The following IGSF9 variants were observed in gnomAD, a reference collection of about 807,000 sequenced individuals.
IGSF9 encodes the protein protein turtle homolog A.
In IGSF9, 87 loss-of-function variants were observed where a neutral mutation model predicts 121.7. The ratio of observed to expected loss-of-function variants is 0.71; its 90% CI spans 0.60 to 0.85. The LOEUF is 0.85. IGSF9 is among the 40% of genes least tolerant of loss of function. The pLI is 0.00. For synonymous variants in IGSF9, 640 were observed against 648.4 expected, an observed-to-expected ratio of 0.99 and a Z score of 0.20; for missense variants, 1,462 against 1,565.3, an observed-to-expected ratio of 0.93 and a Z score of 1.11.
chr1:159,927,094 A>T lies in IGSF9; in HGVS notation c.*251T>A, dbSNP rs535347148. ...AAAAACTTCACACACACACACACAC[A>T]CACAGAGAGAGAGAGAGAGAGAGAG... On this transcript the variant is annotated 3_prime_UTR_variant, in exon 21 of 21. Transcript: ENST00000368094. 68 of 537,274 alleles carry T rather than the reference A, an allele frequency of 1.3e-4. No homozygotes were observed. The highest frequency in any genetic ancestry group is 1.2e-3 in the African/African-American group (57 of 48,814). 33.3% of individuals were successfully genotyped at this position (537,274 alleles called of 1,614,324 possible).
At chr1:159,933,150 A>G (rs1267367623) in intron 9 of IGSF9, 5 of 154,752 alleles carry the variant, frequency 3.2e-5, no homozygotes, top group African/African-American at 7.2e-5. Flanking sequence ...GAGCCCATTC[A>G]TCTTCATGTC....
At chr1:159,941,957 C>G (rs11589655) in intron 3 of IGSF9, among the ~76,000 whole-genome samples, 1 of 152,264 alleles carries the variant, frequency 6.6e-6, no homozygotes, top group African/African-American at 2.4e-5. Context: ...CCTCCCCTCT[C>G]TGCTCAGCCC....
rs201311818 is a variant in IGSF9, at chr1:159,934,522, C to G, written c.864G>C (p.Leu288=). 2 of 1,613,464 alleles carry G rather than the reference C, an allele frequency of 1.2e-6. No individual in the cohort carries two copies. The highest frequency in any genetic ancestry group is 1.1e-5 in the South Asian group (1 of 91,058). The part of the protein sequence containing the change: ...VRILVDGSLR[L]LATQPDDAGC... ...CGGCATCATCAGGCTGGGTGGCCAGCAGCCGCAGGCTCCCGTCCACCAGGA... is the reference window on the plus strand; with the variant it reads ...CGGCATCATCAGGCTGGGTGGCCAGGAGCCGCAGGCTCCCGTCCACCAGGA... Residue 288 remains leucine (L), a synonymous_variant, in exon 8 of 21, where the codon CTG becomes CTC. Transcript: ENST00000368094.
chr1:159,934,176 C>T lies in IGSF9; in HGVS notation c.1104+14G>A, dbSNP rs1267975619. On this transcript the variant is annotated intron_variant, in intron 9 of 20. Coordinates refer to ENST00000368094, the MANE Select transcript of IGSF9 (RefSeq NM_001135050.2). Reference sequence around the variant, plus strand: ...CCAAGCTAAGACCCTCCTTCCCCTGCCCCAAGCCTGTACCTTGTCCAGCTG... The same window carrying T: ...CCAAGCTAAGACCCTCCTTCCCCTGTCCCAAGCCTGTACCTTGTCCAGCTG... 6.2e-7 allele frequency: 1 copy of T among 1,607,674 alleles called. No individual in the cohort carries two copies. The highest frequency in any genetic ancestry group is 1.1e-5 in the South Asian group (1 of 89,624).
Position 159,927,095 on chromosome 1 carries a change from CACAGAGAG to C in IGSF9, c.*242_*249del, listed in dbSNP as rs1353548772. On this transcript the variant is annotated 3_prime_UTR_variant, in exon 21 of 21. Transcript: ENST00000368094. Reference sequence around the variant, plus strand: ...AAAACTTCACACACACACACACACACACAGAGAGAGAGAGAGAGAGAGAGAGAGAGAGA... The same window carrying C: ...AAAACTTCACACACACACACACACACAGAGAGAGAGAGAGAGAGAGAGAGA... The C allele has an allele frequency of 3.3e-3, 1,489 of 450,572 alleles. 3 individuals carry two copies. Among genetic ancestry groups the C allele is most frequent in the Non-Finnish European group, 4.6e-3 (1,163 of 252,594 alleles). 27.9% of individuals were successfully genotyped at this position (450,572 alleles called of 1,614,324 possible).
In IGSF9 at chr1:159,928,220, G is replaced by T. The variant is rs1571209130; in HGVS notation, c.3168C>A (p.Ser1056Arg). The change falls in exon 19 of 21, where the codon AGC (serine) becomes AGA (arginine). Residue 1056 changes from serine to arginine, a missense_variant. By Grantham distance (110) the Ser-to-Arg change is moderately radical. Coordinates refer to ENST00000368094, the MANE Select transcript of IGSF9 (RefSeq NM_001135050.2). ...SYLSPAPGDT[S>R]SWASGPERWP... ...ATCTCTCAGGGCCACTGGCCCAGCT[G>T]CTGGTGTCTCCTGGAGCAGGGCTGA... 1.2e-6 allele frequency: 2 copies of T among 1,612,976 alleles called. No individual in the cohort carries two copies. Among genetic ancestry groups the T allele is most frequent in the Non-Finnish European group, 1.7e-6 (2 of 1,179,910 alleles).
Position 159,927,212 on chromosome 1 carries a change from C to G in IGSF9, c.*133G>C, listed in dbSNP as rs1650766783. 9.3e-7 allele frequency: 1 copy of G among 1,073,178 alleles called. No individual in the cohort carries two copies. The highest frequency in any genetic ancestry group is 1.6e-5 in the African/African-American group (1 of 63,440). The allele number at this position is 1,073,178 out of a possible 1,614,324, so 66.5% of individuals were successfully genotyped here. ...CATTCCATACCAAGGTGACCCAAAC[C>G]CACTATCAGGGTCTGTGCCTGGGCA... On this transcript the variant is annotated 3_prime_UTR_variant, in exon 21 of 21. Transcript: ENST00000368094.
intron 17 of IGSF9, 103 bp downstream of exon 17, chr1:159,929,535 C>T (rs1650894045): frequency 6.1e-6 from 9 of 1,480,628 alleles, no homozygotes; most frequent in Non-Finnish European, 8.2e-6. Context: ...TAAGAGAATG[C>T]ACCTGGATCA....
Position 159,932,965 on chromosome 1 carries a change from C to T in IGSF9, c.1105-313G>A, listed in dbSNP as rs1037299795. On this transcript the variant is annotated intron_variant, in intron 9 of 20. Coordinates refer to ENST00000368094, the MANE Select transcript of IGSF9 (RefSeq NM_001135050.2). The surrounding 1 kb of genome is among the most constrained non-coding windows in gnomAD (Gnocchi z 4.1). ...GCCTGCTGGGACTTCACCTGGCTCTCTTCCCAGCACTCCACAACTAAGTTC... is the reference window on the plus strand; with the variant it reads ...GCCTGCTGGGACTTCACCTGGCTCTTTTCCCAGCACTCCACAACTAAGTTC... 3 of 259,168 alleles carry T rather than the reference C, an allele frequency of 1.2e-5. No individual in the cohort carries two copies. The highest frequency in any genetic ancestry group is 2.2e-5 in the Non-Finnish European group (3 of 136,164). The allele number at this position is 259,168 out of a possible 1,614,324, so 16.1% of individuals were successfully genotyped here. A position where few individuals can be genotyped will look rare whatever the true frequency, so the allele number is the denominator to read the frequency against.
In IGSF9 at chr1:159,932,443, T is replaced by G; in HGVS notation, c.1245+69A>C. 3.3e-5 allele frequency: 25 copies of G among 765,146 alleles called. No individual in the cohort carries two copies. Among genetic ancestry groups the G allele is most frequent in the Non-Finnish European group, 4.1e-5 (20 of 489,810 alleles). 47.4% of individuals were successfully genotyped at this position (765,146 alleles called of 1,614,324 possible). On this transcript the variant is annotated intron_variant, in intron 10 of 20. Coordinates refer to ENST00000368094, the MANE Select transcript of IGSF9 (RefSeq NM_001135050.2). This position sits in a 1 kb window ranked among gnomAD's most constrained non-coding sequence, Gnocchi z 4.1. Reference sequence around the variant, plus strand: ...CTGCCCCACCCCACCCCCATCAGCCTGGCCTTAGCACCATCTCCAGCCATC... The same window carrying G: ...CTGCCCCACCCCACCCCCATCAGCCGGGCCTTAGCACCATCTCCAGCCATC...
chr1:159,942,884 T>C (rs1651437692), intron 3 of IGSF9, 79 bp downstream of exon 3: 2 of 1,195,982 alleles, frequency 1.7e-6, no homozygotes, highest in South Asian at 1.3e-5. Flanking sequence ...AAGCCGTTCA[T>C]AGGAGGCCTT....
chr1:159,931,693 C>G lies in IGSF9; in HGVS notation c.1363-90G>C, dbSNP rs573171295. 1 of 1,532,262 alleles carries G rather than the reference C, an allele frequency of 6.5e-7. No individual in the cohort carries two copies. Among genetic ancestry groups the G allele is most frequent in the Admixed American group, 1.8e-5 (1 of 55,244 alleles). 94.9% of individuals were successfully genotyped at this position (1,532,262 alleles called of 1,614,324 possible). ...CTCTCCAGGCAGCTCCAGTTCCTCC[C>G]CACCCTGCCTCTGACAGCCTTCTCC... On this transcript the variant is annotated intron_variant, in intron 11 of 20. Coordinates refer to ENST00000368094, the MANE Select transcript of IGSF9 (RefSeq NM_001135050.2). The surrounding 1 kb of genome is among the most constrained non-coding windows in gnomAD (Gnocchi z 4.8).
intron 6 of IGSF9, among the ~76,000 whole-genome samples, chr1:159,935,143 AC>A (rs1651140257): frequency 6.6e-6 from 1 of 151,798 alleles, no homozygotes; most frequent in Admixed American, 6.6e-5. Flanking sequence ...CCTGCTTGTC[AC>A]CTCTTGAATT....
Position 159,927,542 on chromosome 1 carries a change from A to G in IGSF9, c.3359-16T>C, listed in dbSNP as rs769052465. The G allele has an allele frequency of 6.8e-6, 11 of 1,606,028 alleles. No homozygotes were observed. The highest frequency in any genetic ancestry group is 6.8e-6 in the Non-Finnish European group (8 of 1,174,486). On this transcript the variant is annotated splice_polypyrimidine_tract_variant and intron_variant, in intron 20 of 20. Coordinates refer to ENST00000368094, the MANE Select transcript of IGSF9 (RefSeq NM_001135050.2). ...GTCTTCACACCTGCAAGAGGCGGGC[A>G]GGACAATGAGAAGAAGCCCTGAGGT...
chr1:159,937,873 G>A (rs1292045446), intron 3 of IGSF9, 35 bp from the exon 4 acceptor site: 1 of 1,595,796 alleles, frequency 6.3e-7, no homozygotes. Context: ...GGTGCTGAAG[G>A]AACCCCATGG....
At chr1:159,933,302 C>G (rs1426602586) in intron 9 of IGSF9, 1 of 152,404 alleles carries the variant, frequency 6.6e-6, no homozygotes, top group Non-Finnish European at 1.5e-5. Context: ...CACACCAATG[C>G]TCAACAAATT....
chr1:159,934,760 A>G lies in IGSF9; in HGVS notation c.736T>C (p.Leu246=), dbSNP rs1651129039. 6.8e-6 allele frequency: 11 copies of G among 1,614,194 alleles called. No homozygotes were observed. The highest frequency in any genetic ancestry group is 9.3e-6 in the Non-Finnish European group (11 of 1,180,016). The change falls in exon 7 of 21, where the codon TTG becomes CTG. Residue 246 remains leucine, a synonymous_variant. Coordinates refer to ENST00000368094, the MANE Select transcript of IGSF9 (RefSeq NM_001135050.2). Reference sequence around the variant, plus strand: ...GGGTATGCCTCAGCATGGCAGGCCAATGAAACATCCTGGGAGGCATTGACT... The same window carrying G: ...GGGTATGCCTCAGCATGGCAGGCCAGTGAAACATCCTGGGAGGCATTGACT... ...STVNASQDVS[L]ACHAEAYPAN...
At position 159,943,043 on chromosome 1, in the gene IGSF9, T is replaced by A. The variant is rs1261590812; in HGVS notation, c.167A>T (p.Glu56Val). ...PAGRPPLHVI[E>V]WLRFGFLLPI... ...AAGCAGGAATCCAAAGCGCAGCCAC[T>A]CGATGACATGCAGGGGGGGCCGGCC... The change falls in exon 3 of 21, where the codon GAG becomes GTG. Residue 56 changes from glutamate to valine, a missense_variant. This residue lies in a region of IGSF9 where 558 missense variants were observed against 599.4 expected (regional missense o/e 0.93). Transcript: ENST00000368094. 2.5e-6 allele frequency: 4 copies of A among 1,612,996 alleles called. No individual in the cohort carries two copies.
chr1:159,928,093 G>A, intron 19 of IGSF9, 65 bp downstream of exon 19: 1 of 1,563,484 alleles, frequency 6.4e-7, no homozygotes, highest in Non-Finnish European at 8.6e-7. Flanking sequence ...AGGGTATTGG[G>A]AGAGGGGTGA....
Sources: gnomAD v4.1 joint callset for allele counts (sites outside exome capture counted in the v4.1 genomes callset) on GRCh38, gnomAD v4.1.1 for gene constraint, gnomAD v4.1.1 regional missense constraint, Gnocchi (gnomAD v3.1) non-coding constraint, MANE v1.5 for transcripts, NCBI Gene and HGNC (gene_info 2026-07-23, HGNC 2026-07-21) for gene names.